The following UBXN10 variants were observed in gnomAD, a reference collection of about 807,000 sequenced individuals.
UBXN10 encodes UBX domain protein 10, also known as UBX domain-containing protein 10.
UBXN10 carries 6 observed loss-of-function variants against 6.9 expected under a neutral mutation model. The ratio of observed to expected loss-of-function variants is 0.87; its 90% CI spans 0.48 to 1.72. UBXN10 has a LOEUF of 1.72. Ranked by LOEUF, UBXN10 falls within the 40% of genes most tolerant of loss-of-function variation. The pLI, the probability that UBXN10 is intolerant of heterozygous loss-of-function variation, is 0.01. For synonymous variants in UBXN10, 131 were observed against 135.2 expected (o/e 0.97, Z 0.21); for missense variants, 317 against 348.4 (o/e 0.91, Z 0.72).
Position 20,190,537 on chromosome 1 carries a change from G to T in UBXN10, c.-15-10G>T, listed in dbSNP as rs753050705. ...ACCCACGGACTCCTGTTTTTTTCCT[G>T]CTTCCTTAGGGGTCTTGAGAAGCAA... On this transcript the variant is annotated splice_polypyrimidine_tract_variant and intron_variant, in intron 1 of 1. Coordinates refer to ENST00000375099, the MANE Select transcript of UBXN10 (RefSeq NM_152376.5). 6.3e-6 allele frequency: 10 copies of T among 1,580,160 alleles called. No individual in the cohort carries two copies. In the Admixed American group the frequency reaches 7.3e-5, roughly 11 times the overall value.
chr1:20,185,285 T>C (rs2018349508), upstream of UBXN10, among the ~76,000 whole-genome samples: 1 of 152,206 alleles, frequency 6.6e-6, no homozygotes, highest in African/African-American at 2.4e-5. Context: ...ACTTCTTCAA[T>C]ACCCGTGTGT....
chr1:20,190,895 A>G lies in UBXN10; in HGVS notation c.334A>G (p.Asn112Asp). 6.2e-7 allele frequency: 1 copy of G among 1,614,090 alleles called. No individual in the cohort carries two copies. The highest frequency in any genetic ancestry group is 8.5e-7 in the Non-Finnish European group (1 of 1,180,016). ...QVPTGASSSLNKYPVLPSINR... is the reference protein window; with the variant it reads ...QVPTGASSSLDKYPVLPSINR... ...ACCCACTGGGGCTTCCTCTTCTCTC[A>G]ATAAGTATCCAGTCCTTCCTTCCAT... Residue 112 changes from asparagine to aspartate, a missense_variant, in exon 2 of 2, where the codon AAT becomes GAT. Physicochemically the swap from Asn to Asp is conservative, Grantham distance 23. Coordinates refer to ENST00000375099, the MANE Select transcript of UBXN10 (RefSeq NM_152376.5).
At position 20,190,958 on chromosome 1, in the gene UBXN10, G is replaced by T; in HGVS notation, c.397G>T (p.Val133Phe). Reference protein sequence around the residue: ...KNLEEEAVETVAKKASSLQLS... With the variant: ...KNLEEEAVETFAKKASSLQLS... ...CCTGGAGGAGGAGGCTGTGGAAACC[G>T]TTGCCAAAAAGGCCAGCTCACTGCA... The change falls in exon 2 of 2, where the codon GTT (valine) becomes TTT (phenylalanine). Residue 133 changes from valine to phenylalanine, a missense_variant. Physicochemically the swap from Val to Phe is conservative, Grantham distance 50. Coordinates refer to ENST00000375099, the MANE Select transcript of UBXN10 (RefSeq NM_152376.5). 6.2e-7 allele frequency: 1 copy of T among 1,614,118 alleles called. No individual in the cohort carries two copies. Among genetic ancestry groups the T allele is most frequent in the Non-Finnish European group, 8.5e-7 (1 of 1,180,032 alleles).
At chr1:20,188,044 G>A (rs1306134174) in intron 1 of UBXN10, among the ~76,000 whole-genome samples, 1 of 152,168 alleles carries the variant, frequency 6.6e-6, no homozygotes, top group Non-Finnish European at 1.5e-5. Flanking sequence ...GTTTGCCTGT[G>A]GAGCTTATCT....
rs1026450051 is a variant in UBXN10 at position 20,195,689 on chromosome 1, A to G, written c.*4285A>G. 2 of 167,130 alleles carry G rather than the reference A, an allele frequency of 1.2e-5. No individual in the cohort carries two copies. Among genetic ancestry groups the G allele is most frequent in the African/African-American group, 4.8e-5 (2 of 41,476 alleles). 10.4% of individuals were successfully genotyped at this position (167,130 alleles called of 1,614,324 possible). On this transcript the variant is annotated 3_prime_UTR_variant, in exon 2 of 2. Coordinates refer to ENST00000375099, the MANE Select transcript of UBXN10 (RefSeq NM_152376.5). ...GACACTGACCAGCAGGAACATTCCC[A>G]TCAAGGAAATGCACGAGTGTTTTTG...
chr1:20,191,075 A>G lies in UBXN10; in HGVS notation c.514A>G (p.Arg172Gly). The change falls in exon 2 of 2, where the codon AGG becomes GGG. Residue 172 changes from arginine to glycine, a missense_variant. Arg to Gly is a moderately radical substitution (Grantham distance 125, BLOSUM62 -2). Coordinates refer to ENST00000375099, the MANE Select transcript of UBXN10 (RefSeq NM_152376.5). The surrounding 1 kb of genome is among the most constrained non-coding windows in gnomAD (Gnocchi z 4.5). ...CAGAGCTCGAGCTTGTGCCGTGGAG[A>G]GGAAATTCATCGTCCGAACCAAGAA... Reference protein sequence around the residue: ...DSRARACAVERKFIVRTKKQG... With the variant: ...DSRARACAVEGKFIVRTKKQG... The G allele has an allele frequency of 6.2e-7, 1 of 1,614,126 alleles. No individual in the cohort carries two copies. The highest frequency in any genetic ancestry group is 8.5e-7 in the Non-Finnish European group (1 of 1,180,022).
At chr1:20,185,642 C>G (rs1045744546), upstream of UBXN10, among the ~76,000 whole-genome samples, 9 of 152,188 alleles carry the variant, frequency 5.9e-5, no homozygotes, top group African/African-American at 2.2e-4. Context: ...GATGGGGGCC[C>G]TGCTCCCCGC....
Position 20,193,598 on chromosome 1 carries a change from C to T in UBXN10, c.*2194C>T, listed in dbSNP as rs2018547602. The T allele has an allele frequency of 6.0e-6, 1 of 167,010 alleles. No individual in the cohort carries two copies. The highest frequency in any genetic ancestry group is 6.5e-5 in the Admixed American group (1 of 15,282). The allele number at this position is 167,010 out of a possible 1,614,324, so 10.3% of individuals were successfully genotyped here. A position where few individuals can be genotyped will look rare whatever the true frequency, so the allele number is the denominator to read the frequency against. On this transcript the variant is annotated 3_prime_UTR_variant, in exon 2 of 2. Coordinates refer to ENST00000375099, the MANE Select transcript of UBXN10 (RefSeq NM_152376.5). The stretch of plus-strand genomic sequence containing the variant: ...GGACAGAGGGGTGTGTTAGCCTGAT[C>T]TTCAGTTTTCTCATTGGGAAAGCAC...
At chr1:20,188,772 C>T (rs993900170) in intron 1 of UBXN10, among the ~76,000 whole-genome samples, 2 of 152,108 alleles carry the variant, frequency 1.3e-5, no homozygotes, top group Non-Finnish European at 2.9e-5. Context: ...CAGGACTCAC[C>T]CAGCTGGTTA....
chr1:20,195,912 C>G lies in UBXN10; in HGVS notation c.*4508C>G, dbSNP rs993722161. 4 of 167,052 alleles carry G rather than the reference C, an allele frequency of 2.4e-5. No homozygotes were observed. Among genetic ancestry groups the G allele is most frequent in the African/African-American group, 9.7e-5 (4 of 41,428 alleles). 10.3% of individuals were successfully genotyped at this position (167,052 alleles called of 1,614,324 possible). On this transcript the variant is annotated 3_prime_UTR_variant, in exon 2 of 2. Transcript: ENST00000375099. ...TACACTGTTTATCTCTATCTCCTGTCCTTCATCCCTCCCTTTCTTGCCACC... is the reference window on the plus strand; with the variant it reads ...TACACTGTTTATCTCTATCTCCTGTGCTTCATCCCTCCCTTTCTTGCCACC...
chr1:20,190,850 C>T lies in UBXN10; in HGVS notation c.289C>T (p.Pro97Ser). 3 of 1,613,978 alleles carry T rather than the reference C, an allele frequency of 1.9e-6. No homozygotes were observed. The highest frequency in any genetic ancestry group is 2.5e-6 in the Non-Finnish European group (3 of 1,180,026). ...SPNQGASDEIPELQQQVPTGA... is the reference protein window; with the variant it reads ...SPNQGASDEISELQQQVPTGA... The stretch of plus-strand genomic sequence containing the variant: ...AAACCAGGGAGCTTCTGATGAGATC[C>T]CTGAGCTGCAGCAGCAAGTACCCAC... Residue 97 changes from proline to serine, a missense_variant, in exon 2 of 2, where the codon CCT (proline) becomes TCT (serine). Physicochemically the swap from Pro to Ser is moderately conservative, Grantham distance 74. Transcript: ENST00000375099.
rs148069798 is a variant in UBXN10, at chr1:20,192,937, C to A, written c.*1533C>A. 1 of 167,134 alleles carries A rather than the reference C, an allele frequency of 6.0e-6. No homozygotes were observed. Among genetic ancestry groups the A allele is most frequent in the African/African-American group, 2.4e-5 (1 of 41,460 alleles). 10.4% of individuals were successfully genotyped at this position (167,134 alleles called of 1,614,324 possible). The stretch of plus-strand genomic sequence containing the variant: ...TAACTGCATCCCACACTGCCCAGAT[C>A]ATTCTAGAATAGGTTATTTCTGAAT... On this transcript the variant is annotated 3_prime_UTR_variant, in exon 2 of 2. Transcript: ENST00000375099.
chr1:20,184,197 G>GCACACACACACGCACACGCACACA (rs2018324652), upstream of UBXN10: 2 of 149,618 alleles, frequency 1.3e-5, no homozygotes, highest in African/African-American at 2.5e-5. Flanking sequence ...GTGCGCACAC[G>GCACACACACACGCACACGCACACA]CACACACACA....
rs2018499347 is a variant in UBXN10 at position 20,191,408 on chromosome 1, C to A, written c.*4C>A. The A allele has an allele frequency of 6.2e-7, 1 of 1,604,506 alleles. No individual in the cohort carries two copies. Among genetic ancestry groups the A allele is most frequent in the Non-Finnish European group, 8.5e-7 (1 of 1,173,302 alleles). On this transcript the variant is annotated 3_prime_UTR_variant, in exon 2 of 2. Transcript: ENST00000375099. The surrounding 1 kb of genome is among the most constrained non-coding windows in gnomAD (Gnocchi z 4.5). The stretch of plus-strand genomic sequence containing the variant: ...AGATGGGGAAGGGTGGCCCTGAGTC[C>A]ACAGCCACCCAGCTGAGGTCCTGGG...
chr1:20,190,357 C>T (rs942283153), intron 1 of UBXN10, among the ~76,000 whole-genome samples, 190 bp from the exon 2 acceptor site: 21 of 152,144 alleles, frequency 1.4e-4, no homozygotes, highest in Non-Finnish European at 2.2e-4. Context: ...GCAAGGACTT[C>T]GGTTTGCTGA....
chr1:20,183,751 G>A (rs917719856), upstream of UBXN10, among the ~76,000 whole-genome samples: 1 of 152,182 alleles, frequency 6.6e-6, no homozygotes. Flanking sequence ...AAGAGAGCAG[G>A]GTGGGGCAGG....
intron 1 of UBXN10, among the ~76,000 whole-genome samples, chr1:20,188,439 G>C (rs1200043842): frequency 6.6e-6 from 1 of 152,158 alleles, no homozygotes; most frequent in Non-Finnish European, 1.5e-5. Context: ...GTTGCGTTTG[G>C]TCCTGGTCTG....
chr1:20,186,725 A>G (rs2018403272), intron 1 of UBXN10, among the ~76,000 whole-genome samples: 1 of 152,156 alleles, frequency 6.6e-6, no homozygotes, highest in African/African-American at 2.4e-5. Flanking sequence ...CAAACATTTG[A>G]TCACTTGGTG....
chr1:20,190,066 A>C, intron 1 of UBXN10, among the ~76,000 whole-genome samples: 1 of 152,370 alleles, frequency 6.6e-6, no homozygotes, highest in East Asian at 1.9e-4. Context: ...ACATTTTTAA[A>C]TCATTGAAAA....
Sources: gnomAD v4.1 joint callset for allele counts (sites outside exome capture counted in the v4.1 genomes callset) on GRCh38, gnomAD v4.1.1 for gene constraint, Gnocchi (gnomAD v3.1) non-coding constraint, MANE v1.5 for transcripts, NCBI Gene and HGNC (gene_info 2026-07-23, HGNC 2026-07-21) for gene names.